Variants in RBM25 observed in about 807,000 individuals in gnomAD.
RBM25 encodes the protein RNA binding motif protein 25, also known as RNA-binding protein 25.
A neutral mutation model predicts 120.7 loss-of-function variants in RBM25; 19 were observed. The ratio of observed to expected loss-of-function variants is 0.16; its 90% CI spans 0.11 to 0.23. The LOEUF is 0.23. RBM25 is among the 10% of genes least tolerant of loss of function. The probability of loss-of-function intolerance (pLI) is 1.00; values close to 1 mark genes in which losing one functional copy is unlikely to be tolerated. For synonymous variants in RBM25, 390 were observed against 326.7 expected (o/e 1.19, Z -2.09); for missense variants, 605 against 1,041.5 (o/e 0.58, Z 5.77).
chr14:73,092,065 T>G (rs1354041478), intron 6 of RBM25, among the ~76,000 whole-genome samples: 1 of 152,154 alleles, frequency 6.6e-6, no homozygotes, highest in Non-Finnish European at 1.5e-5. Context: ...CATATTTTCC[T>G]TAAGTGTCAA....
At chr14:73,098,160 T>C (rs915820690) in intron 7 of RBM25, among the ~76,000 whole-genome samples, 1 of 152,228 alleles carries the variant, frequency 6.6e-6, no homozygotes, top group South Asian at 2.1e-4. Context: ...GACAGTATCT[T>C]GCTCTGTCAC....
chr14:73,102,989 C>T (rs1896084470), intron 9 of RBM25: 1 of 1,030,724 alleles, frequency 9.7e-7, no homozygotes, highest in Non-Finnish European at 1.4e-6. Context: ...GATTCCTGGT[C>T]TGTGTAGAGT....
intron 2 of RBM25, among the ~76,000 whole-genome samples, chr14:73,074,306 A>C (rs1037603796): frequency 6.6e-6 from 1 of 152,104 alleles, no homozygotes; most frequent in Non-Finnish European, 1.5e-5. Context: ...TGTGGCCTCT[A>C]TCTCCTGGAC....
At chr14:73,104,434 T>C (rs536500468) in intron 10 of RBM25, among the ~76,000 whole-genome samples, 2 of 152,142 alleles carry the variant, frequency 1.3e-5, no homozygotes, top group South Asian at 4.2e-4. Flanking sequence ...AGTGGTACAG[T>C]GTTGGCTCAT....
chr14:73,101,505 CAT>C (rs1044118082), intron 9 of RBM25: 12 of 138,160 alleles, frequency 8.7e-5, no homozygotes, highest in South Asian at 2.4e-4. Context: ...TATTTGTATA[CAT>C]GTGTGTATAT....
intron 1 of RBM25, chr14:73,068,665 C>T (rs914651672): frequency 6.2e-5 from 22 of 356,656 alleles, no homozygotes; most frequent in East Asian, 3.3e-4. Flanking sequence ...GCGCCAGGGA[C>T]GCACGCTTCC....
intron 18 of RBM25, among the ~76,000 whole-genome samples, chr14:73,115,153 CGTGTGTGTGTGTGTGTGT>C (rs33924709): frequency 5.4e-5 from 8 of 146,792 alleles, no homozygotes; most frequent in African/African-American, 1.0e-4. Flanking sequence ...GGAACTGATA[CGTGTGTGTGTGTGTGTGT>C]GTGTGTGTGT....
In RBM25 at chr14:73,103,174, G is replaced by T. The variant is rs141841381; in HGVS notation, c.868-18G>T. 1 of 1,601,802 alleles carries T rather than the reference G, an allele frequency of 6.2e-7. No homozygotes were observed. The highest frequency in any genetic ancestry group is 1.4e-5 in the African/African-American group (1 of 73,578). On this transcript the variant is annotated intron_variant, in intron 9 of 18. Coordinates refer to ENST00000261973, the MANE Select transcript of RBM25 (RefSeq NM_021239.3). ...GAGCTACAGAGTTAACTCTAAAAGT[G>T]CTTTTATTGGTTTCTAGAAACTGGA...
intron 1 of RBM25, chr14:73,068,506 A>G (rs757809873): frequency 7.8e-6 from 7 of 893,682 alleles, no homozygotes; most frequent in Non-Finnish European, 1.2e-5. Flanking sequence ...CGCATGTTGT[A>G]TTTTCAAATT....
chr14:73,077,881 C>T (rs935116785), intron 4 of RBM25, among the ~76,000 whole-genome samples: 4 of 152,124 alleles, frequency 2.6e-5, no homozygotes, highest in Admixed American at 1.3e-4. Flanking sequence ...GAAATTTGGC[C>T]GGGTGCAGTG....
intron 6 of RBM25, among the ~76,000 whole-genome samples, chr14:73,090,762 G>C (rs1895796304): frequency 6.6e-6 from 1 of 152,070 alleles, no homozygotes; most frequent in African/African-American, 2.4e-5. Flanking sequence ...TGTGGGCTGT[G>C]TCTCTTTAAT....
In RBM25 at chr14:73,114,424, G is replaced by A. The variant is rs758320489; in HGVS notation, c.2439+91G>A. ...TAAAATATAGATGGGGTCTCACCAC[G>A]TTGCCCAGGGTAGTCTTAAATTCCT... On this transcript the variant is annotated intron_variant, in intron 18 of 18. Coordinates refer to ENST00000261973, the MANE Select transcript of RBM25 (RefSeq NM_021239.3). 20 of 873,182 alleles carry A rather than the reference G, an allele frequency of 2.3e-5. No homozygotes were observed. The East Asian group carries it at 2.6e-4, about 11-fold the overall frequency. The allele number at this position is 873,182 out of a possible 1,614,324, so 54.1% of individuals were successfully genotyped here.
chr14:73,117,206 T>TTTTC (rs2140467999), intron 18 of RBM25, among the ~76,000 whole-genome samples: 2 of 102,736 alleles, frequency 1.9e-5, no homozygotes, highest in South Asian at 3.2e-4. Flanking sequence ...TTCTTTCTTC[T>TTTTC]TTTCTTTTTT....
At chr14:73,109,548 CTT>C (rs763111254) in intron 14 of RBM25, 56 bp downstream of exon 14, 64 of 1,533,228 alleles carry the variant, frequency 4.2e-5, no homozygotes, top group Non-Finnish European at 5.6e-5. Context: ...AATCCCAGCT[CTT>C]TGGGAGGCCG....
intron 2 of RBM25, among the ~76,000 whole-genome samples, chr14:73,072,843 T>A (rs1441426034): frequency 6.6e-6 from 1 of 152,168 alleles, no homozygotes; most frequent in Admixed American, 6.6e-5. Context: ...TTGGCTGACT[T>A]ATGATGGGTT....
In RBM25 at chr14:73,114,303, A is replaced by G. The variant is rs362414; in HGVS notation, c.2409A>G (p.Ser803=). The change falls in exon 18 of 19, where the codon TCA becomes TCG. Residue 803 remains serine, a synonymous_variant. Coordinates refer to ENST00000261973, the MANE Select transcript of RBM25 (RefSeq NM_021239.3). The stretch of plus-strand genomic sequence containing the variant: ...TCTTTTAGGTTATGGCTCATAGTTC[A>G]CCCCAGAGCATTTTAGATGATGTTG... ...FVCSKVMAHS[S]PQSILDDVAM... The G allele has an allele frequency of 0.086, 133,671 of 1,558,368 alleles. 6,374 individuals are homozygous for G. The highest frequency in any genetic ancestry group is 0.16 in the East Asian group (6,763 of 42,910).
At chr14:73,093,798 C>T (rs1895870201) in intron 6 of RBM25, among the ~76,000 whole-genome samples, 2 of 151,946 alleles carry the variant, frequency 1.3e-5, no homozygotes, top group South Asian at 4.2e-4. Context: ...TGAGCCACCG[C>T]ACCCGGCCAT....
intron 6 of RBM25, among the ~76,000 whole-genome samples, chr14:73,095,683 A>G (rs1895927294): frequency 1.3e-5 from 2 of 152,214 alleles, no homozygotes; most frequent in African/African-American, 4.8e-5. Context: ...CATTGGAGAC[A>G]GCTTTCAGAA....
chr14:73,099,924 C>A (rs961795844), intron 9 of RBM25, 174 bp downstream of exon 9: 3 of 1,027,516 alleles, frequency 2.9e-6, no homozygotes, highest in African/African-American at 1.7e-5. Context: ...TTAAAGTGGT[C>A]CTTGACATGT....
Sources: gnomAD v4.1 joint callset for allele counts (sites outside exome capture counted in the v4.1 genomes callset) on GRCh38, gnomAD v4.1.1 for gene constraint, MANE v1.5 for transcripts, NCBI Gene and HGNC (gene_info 2026-07-23, HGNC 2026-07-21) for gene names.